The following RPH3AL variants were observed in gnomAD, a reference collection of about 807,000 sequenced individuals.
RPH3AL encodes rabphilin 3A like (without C2 domains).
Under a neutral mutation model 43.1 loss-of-function variants are expected in RPH3AL, and 38 were observed. That is an observed-to-expected ratio of 0.88 (90% confidence interval 0.68 to 1.15). The LOEUF is 1.15. Ranked by LOEUF, RPH3AL falls within the 50% of genes most tolerant of loss-of-function variation. RPH3AL has a pLI of 0.00. For synonymous variants in RPH3AL, 189 were observed against 176.3 expected (o/e 1.07, Z -0.57); for missense variants, 462 against 423.2 (o/e 1.09, Z -0.81).
rs1002054660 is a variant in RPH3AL at position 246,078 on chromosome 17, C to T, written c.613+1033G>A. Among the ~76,000 whole-genome samples the T allele has an allele frequency of 3.9e-5, 6 of 152,192 alleles. No homozygotes were observed. The highest frequency in any genetic ancestry group is 4.8e-5 in the African/African-American group (2 of 41,442). On this transcript the variant is annotated intron_variant, in intron 7 of 9. Transcript: ENST00000331302. This position sits in a 1 kb window ranked among gnomAD's most constrained non-coding sequence, Gnocchi z 4.8. ...GGGGATTTATACCTTCTACATACGT[C>T]ACTGGACAACTTTCACATGTTCGTA...
Position 245,542 on chromosome 17 carries a change from G to A in RPH3AL, c.613+1569C>T, listed in dbSNP as rs778623242. On this transcript the variant is annotated intron_variant, in intron 7 of 9. Coordinates refer to ENST00000331302, the MANE Select transcript of RPH3AL (RefSeq NM_006987.4). This position sits in a 1 kb window ranked among gnomAD's most constrained non-coding sequence, Gnocchi z 5.9. ...TGGCAGCTCTTGAAGTGGGGCATAG[G>A]CCACAGCTGCCCCCATAGGCCTTCA... Among the ~76,000 whole-genome samples the A allele has an allele frequency of 8.5e-5, 13 of 152,162 alleles. No homozygotes were observed. Among genetic ancestry groups the A allele is most frequent in the Non-Finnish European group, 1.8e-4 (12 of 67,994 alleles).
In RPH3AL at chr17:241,918, G is replaced by T. The variant is rs34170095; in HGVS notation, c.613+5193C>A. Among the ~76,000 whole-genome samples, 7 of 151,716 alleles carry T rather than the reference G, an allele frequency of 4.6e-5. No homozygotes were observed. In the South Asian group the frequency reaches 1.5e-3, roughly 32 times the overall value. On this transcript the variant is annotated intron_variant, in intron 7 of 9. Coordinates refer to ENST00000331302, the MANE Select transcript of RPH3AL (RefSeq NM_006987.4). ...ATTGTTTGAGGCCAAGGGGTTTGAG[G>T]CTAGCCTGGCCAATATGGCGAAACC...
At chr17:334,315 C>T (rs1420725722) in intron 1 of RPH3AL, among the ~76,000 whole-genome samples, 1 of 152,244 alleles carries the variant, frequency 6.6e-6, no homozygotes, top group Non-Finnish European at 1.5e-5. Flanking sequence ...GTCTCTAACA[C>T]GTATCAGACT....
At chr17:291,395 T>A (rs898754115) in intron 5 of RPH3AL, among the ~76,000 whole-genome samples, 1 of 151,944 alleles carries the variant, frequency 6.6e-6, no homozygotes, top group Admixed American at 6.6e-5. Context: ...TTTTAAAAAA[T>A]AATAAAATAA....
chr17:321,229 C>T, intron 4 of RPH3AL, 43 bp downstream of exon 4: 1 of 1,586,504 alleles, frequency 6.3e-7, no homozygotes, highest in South Asian at 1.1e-5. Flanking sequence ...TGCGCCAAAG[C>T]CCTTGCTGTC....
At position 298,864 on chromosome 17, in the gene RPH3AL, G is replaced by A. The variant is rs559399453; in HGVS notation, c.352-17010C>T. 8.5e-5 allele frequency among the ~76,000 whole-genome samples: 13 copies of A among 152,262 alleles called. No homozygotes were observed. The East Asian group carries it at 1.2e-3, about 14-fold the overall frequency. ...TAGGGACCCTGGTTATGCACAGAAC[G>A]GAGCTCCAAGGAGGGGGACGGCAGG... On this transcript the variant is annotated intron_variant, in intron 5 of 9. Transcript: ENST00000331302.
chr17:304,947 G>A (rs1458149340), intron 5 of RPH3AL, among the ~76,000 whole-genome samples: 6 of 64,948 alleles, frequency 9.2e-5, no homozygotes, highest in Admixed American at 3.4e-4. Flanking sequence ...GGGACAGGGC[G>A]AGAGGGGGAC....
At chr17:252,887 T>G (rs1453919255) in intron 6 of RPH3AL, among the ~76,000 whole-genome samples, 1 of 152,174 alleles carries the variant, frequency 6.6e-6, no homozygotes, top group Admixed American at 6.5e-5. Flanking sequence ...CATTTCAGCT[T>G]TGGGTTTTCT....
At chr17:336,308 A>G (rs2044952083) in intron 1 of RPH3AL, among the ~76,000 whole-genome samples, 3 of 152,198 alleles carry the variant, frequency 2.0e-5, no homozygotes, top group South Asian at 4.1e-4. Flanking sequence ...AAAGACTCAG[A>G]GAGGGAGCCT....
chr17:244,734 A>AAATTAAAAGGCCATCTTTTAATT (rs760402614), intron 7 of RPH3AL, among the ~76,000 whole-genome samples: 10 of 152,160 alleles, frequency 6.6e-5, no homozygotes, highest in African/African-American at 4.8e-5. Flanking sequence ...CTCGCCCATG[A>AAATTAAAAGGCCATCTTTTAATT]AATTAAAAGG....
At chr17:236,210 C>G (rs1326769554) in intron 7 of RPH3AL, among the ~76,000 whole-genome samples, 2 of 152,242 alleles carry the variant, frequency 1.3e-5, no homozygotes, top group Non-Finnish European at 1.5e-5. Context: ...AGGACCCCCA[C>G]TCTAATGTCC....
intron 6 of RPH3AL, among the ~76,000 whole-genome samples, chr17:253,400 G>A (rs1408628627): frequency 6.6e-6 from 1 of 152,190 alleles, no homozygotes; most frequent in African/African-American, 2.4e-5. Context: ...GTGGGGCCGA[G>A]AACCTCATCT....
At chr17:309,711 T>C (rs1164527303) in intron 5 of RPH3AL, among the ~76,000 whole-genome samples, 62 of 82,020 alleles carry the variant, frequency 7.6e-4, no homozygotes, top group African/African-American at 2.2e-3. Flanking sequence ...CCTGCCAGCC[T>C]CCTGCTGGGG....
chr17:288,809 ACC>A (rs2042978733), intron 5 of RPH3AL, among the ~76,000 whole-genome samples: 1 of 14,240 alleles, frequency 7.0e-5, no homozygotes, highest in Non-Finnish European at 1.7e-4. Flanking sequence ...CAGACCTCGC[ACC>A]CTCTCTCCAC....
At chr17:236,542 T>C (rs1414772906) in intron 7 of RPH3AL, among the ~76,000 whole-genome samples, 2 of 121,980 alleles carry the variant, frequency 1.6e-5, no homozygotes, top group African/African-American at 6.2e-5. Flanking sequence ...CGTGAGGTCC[T>C]GAGAGCGGGG....
intron 5 of RPH3AL, among the ~76,000 whole-genome samples, chr17:309,572 T>C (rs60637597): frequency 0.22 from 6,892 of 31,092 alleles, 1,178 homozygotes; most frequent in East Asian, 0.48. Context: ...GCACGTCCCC[T>C]GCCCTGCCCC....
chr17:326,905 G>A (rs547169699), intron 3 of RPH3AL, among the ~76,000 whole-genome samples: 345 of 152,330 alleles, frequency 2.3e-3, no homozygotes, highest in Non-Finnish European at 2.6e-3. Flanking sequence ...TGGAAGCAAG[G>A]AACTAGCGAG....
chr17:224,470 C>T (rs891967857), intron 7 of RPH3AL, among the ~76,000 whole-genome samples: 8 of 152,246 alleles, frequency 5.3e-5, no homozygotes, highest in African/African-American at 1.7e-4. Context: ...AGGAAGCCCT[C>T]CGTCTCACCT....
chr17:288,697 TCG>T (rs72360268), intron 5 of RPH3AL, among the ~76,000 whole-genome samples: 3 of 570 alleles, frequency 5.3e-3, no homozygotes, highest in East Asian at 0.028. Context: ...CCGTCAGACC[TCG>T]CACCCTCTCT....
Sources: allele counts gnomAD v4.1 joint callset (sites outside exome capture counted in the v4.1 genomes callset), GRCh38; gene constraint gnomAD v4.1.1; non-coding constraint Gnocchi (gnomAD v3.1); transcripts MANE v1.5; gene names NCBI Gene and HGNC (gene_info 2026-07-23, HGNC 2026-07-21).